The following SGK3 variants were observed in gnomAD, a reference collection of about 807,000 sequenced individuals.
SGK3 encodes the protein serum/glucocorticoid regulated kinase family member 3.
In SGK3, 47 loss-of-function variants were observed where a neutral mutation model predicts 68.5. The ratio of observed to expected loss-of-function variants is 0.69; its 90% CI spans 0.54 to 0.87. The LOEUF (loss-of-function observed/expected upper bound fraction) is 0.87, where lower values mean the gene tolerates loss of function less well. Among genes scored for constraint, SGK3 ranks in the 40% least tolerant of loss-of-function variants. SGK3 has a pLI of 0.00. For synonymous variants in SGK3, 181 were observed against 189.1 expected (o/e 0.96, Z 0.35); for missense variants, 479 against 575.5 (o/e 0.83, Z 1.72).
At position 66,736,668 on chromosome 8, in the gene SGK3, G is replaced by A. The variant is rs922204759; in HGVS notation, c.-122+23835G>A. Among the ~76,000 whole-genome samples the A allele has an allele frequency of 1.5e-3, 227 of 151,418 alleles. 3 individuals are homozygous for A. Among genetic ancestry groups the A allele is most frequent in the Non-Finnish European group, 1.9e-4 (13 of 67,900 alleles). On this transcript the variant is annotated intron_variant, in intron 1 of 16. Transcript: ENST00000521198. The stretch of plus-strand genomic sequence containing the variant: ...GAGTTTCACTCTTATTGCCAAGGCT[G>A]GAGTGCAATGGCGCAATCTCAGCTC...
chr8:66,725,987 A>G (rs1283835892), intron 1 of SGK3, among the ~76,000 whole-genome samples: 1 of 152,036 alleles, frequency 6.6e-6, no homozygotes, highest in African/African-American at 2.4e-5. Flanking sequence ...TAATTTACCT[A>G]CTTAAGATGA....
intron 1 of SGK3, among the ~76,000 whole-genome samples, chr8:66,782,629 A>T (rs1016104278): frequency 1.8e-4 from 27 of 152,144 alleles, no homozygotes; most frequent in African/African-American, 6.5e-4. Context: ...CTGCCTAGTC[A>T]TCGTTTCACC....
intron 5 of SGK3, among the ~76,000 whole-genome samples, chr8:66,816,020 G>A (rs1808560697): frequency 6.6e-6 from 1 of 151,768 alleles, no homozygotes; most frequent in Non-Finnish European, 1.5e-5. Flanking sequence ...TTTTTTTTGA[G>A]ACGGAGTCTC....
chr8:66,735,051 TATC>T (rs1396996839), intron 1 of SGK3, among the ~76,000 whole-genome samples: 5 of 152,312 alleles, frequency 3.3e-5, no homozygotes, highest in Non-Finnish European at 5.9e-5. Flanking sequence ...TTCTCTTTAT[TATC>T]AGTTATTGTT....
At chr8:66,728,388 G>A (rs948528778) in intron 1 of SGK3, among the ~76,000 whole-genome samples, 5 of 151,036 alleles carry the variant, frequency 3.3e-5, no homozygotes, top group South Asian at 2.1e-4. Context: ...GTGCAATGGC[G>A]AAATCTCAGC....
rs370738896 is a variant in SGK3, at chr8:66,834,961, C to T, written c.526-802C>T. Reference sequence around the variant, plus strand: ...TCTCAAAAAAAAAAAAAAAAAGAAACCAACAAAGTGCAGTAAAACAAAAGA... The same window carrying T: ...TCTCAAAAAAAAAAAAAAAAAGAAATCAACAAAGTGCAGTAAAACAAAAGA... On this transcript the variant is annotated intron_variant, in intron 8 of 16. Transcript: ENST00000521198. Among the ~76,000 whole-genome samples, 638 of 148,990 alleles carry T rather than the reference C, an allele frequency of 4.3e-3. 6 individuals are homozygous for T. Among genetic ancestry groups the T allele is most frequent in the African/African-American group, 0.015 (608 of 40,552 alleles).
chr8:66,835,309 C>T (rs1294969569), intron 8 of SGK3, among the ~76,000 whole-genome samples: 1 of 152,284 alleles, frequency 6.6e-6, no homozygotes, highest in South Asian at 2.1e-4. Flanking sequence ...AAATCCATGG[C>T]ACTTTTTCTT....
intron 5 of SGK3, among the ~76,000 whole-genome samples, chr8:66,819,796 G>T (rs1808734835): frequency 6.7e-6 from 1 of 149,354 alleles, no homozygotes. Flanking sequence ...TGTTTTTTTT[G>T]TTTTTGTTTT....
At chr8:66,797,320 C>A (rs967994817) in intron 2 of SGK3, among the ~76,000 whole-genome samples, 1 of 152,178 alleles carries the variant, frequency 6.6e-6, no homozygotes. Flanking sequence ...GTGAGATAAT[C>A]TCTTGTCTAG....
chr8:66,847,419 A>T, intron 15 of SGK3, 71 bp downstream of exon 15: 1 of 1,577,140 alleles, frequency 6.3e-7, no homozygotes, highest in Non-Finnish European at 8.6e-7. Flanking sequence ...GCTTTATTTT[A>T]TATGGTATTT....
At chr8:66,759,055 CTTCTTTT>C (rs1455168929) in intron 1 of SGK3, among the ~76,000 whole-genome samples, 106 of 150,584 alleles carry the variant, frequency 7.0e-4, no homozygotes, top group African/African-American at 2.3e-3. Flanking sequence ...TTAATAAGGC[CTTCTTTT>C]TTCTTTTTTC....
intron 1 of SGK3, among the ~76,000 whole-genome samples, chr8:66,759,904 G>T (rs1806102810): frequency 6.6e-6 from 1 of 152,018 alleles, no homozygotes; most frequent in Non-Finnish European, 1.5e-5. Context: ...TCTCTTAAAA[G>T]GACCCTTGTC....
At chr8:66,774,690 G>A (rs892738684) in intron 1 of SGK3, among the ~76,000 whole-genome samples, 1 of 152,058 alleles carries the variant, frequency 6.6e-6, no homozygotes, top group African/African-American at 2.4e-5. Flanking sequence ...CTCGGGGTGA[G>A]GATTCTTACT....
chr8:66,751,893 G>A (rs1805829247), intron 1 of SGK3, among the ~76,000 whole-genome samples: 1 of 152,020 alleles, frequency 6.6e-6, no homozygotes, highest in Non-Finnish European at 1.5e-5. Flanking sequence ...AGCCTCCCGA[G>A]TAACTGGGAT....
chr8:66,836,512 G>A (rs544360988), intron 10 of SGK3, among the ~76,000 whole-genome samples: 11 of 151,728 alleles, frequency 7.2e-5, no homozygotes, highest in East Asian at 1.9e-4. Context: ...TCAGTGACTC[G>A]CACCTTTAAT....
At chr8:66,825,039 TG>T (rs1254603307) in intron 6 of SGK3, among the ~76,000 whole-genome samples, 23 of 152,212 alleles carry the variant, frequency 1.5e-4, no homozygotes, top group Non-Finnish European at 2.9e-4. Context: ...TTCCATGTTT[TG>T]CTTGCTACTC....
chr8:66,843,853 G>A (rs1809896542), intron 14 of SGK3, among the ~76,000 whole-genome samples: 1 of 152,006 alleles, frequency 6.6e-6, no homozygotes, highest in Non-Finnish European at 1.5e-5. Flanking sequence ...AAATTATCTG[G>A]GTGTGGTAGT....
Position 66,756,002 on chromosome 8 carries a change from C to T in SGK3, c.-121-37614C>T, listed in dbSNP as rs527835259. On this transcript the variant is annotated intron_variant, in intron 1 of 16. Transcript: ENST00000521198. ...ATTCATATGTTGATGTTCTAGCCCC[C>T]AGTATCTCAGACTGTGACTGTATTT... Among the ~76,000 whole-genome samples, 10 of 152,224 alleles carry T rather than the reference C, an allele frequency of 6.6e-5. No homozygotes were observed. The South Asian group carries it at 1.7e-3, about 25-fold the overall frequency.
Position 66,761,282 on chromosome 8 carries a change from A to C in SGK3, c.-121-32334A>C, listed in dbSNP as rs114953783. Among the ~76,000 whole-genome samples, 291 of 152,214 alleles carry C rather than the reference A, an allele frequency of 1.9e-3. 2 individuals carry two copies. Among genetic ancestry groups the C allele is most frequent in the African/African-American group, 6.4e-3 (264 of 41,528 alleles). ...TGCATGCCACCATGCCCAGCTAGACATTCTTAAGTGAACCTGATTTTTGGG... is the reference window on the plus strand; with the variant it reads ...TGCATGCCACCATGCCCAGCTAGACCTTCTTAAGTGAACCTGATTTTTGGG... On this transcript the variant is annotated intron_variant, in intron 1 of 16. Coordinates refer to ENST00000521198, the MANE Select transcript of SGK3 (RefSeq NM_001033578.3).
Sources: allele counts gnomAD v4.1 joint callset (sites outside exome capture counted in the v4.1 genomes callset), GRCh38; gene constraint gnomAD v4.1.1; transcripts MANE v1.5; gene names NCBI Gene and HGNC (gene_info 2026-07-23, HGNC 2026-07-21).